Variants in AZIN2 observed in about 807,000 individuals in gnomAD.
AZIN2 encodes ODC antizyme inhibitor-2.
AZIN2 carries 28 observed loss-of-function variants against 47.8 expected under a neutral mutation model. The observed-to-expected ratio is 0.59, with a 90% confidence interval of 0.43 to 0.80. The LOEUF (loss-of-function observed/expected upper bound fraction) is 0.80, where lower values mean the gene tolerates loss of function less well. Among genes scored for constraint, AZIN2 ranks in the 30% least tolerant of loss-of-function variants. The probability of loss-of-function intolerance (pLI) is 0.00; values close to 1 mark genes in which losing one functional copy is unlikely to be tolerated. For missense variants in AZIN2, 535 were observed against 582.5 expected (o/e 0.92, Z 0.84); for synonymous variants, 221 against 239.4 (o/e 0.92, Z 0.71).
In AZIN2 at chr1:33,094,795, C is replaced by T. The variant is rs527370920; in HGVS notation, c.753+82C>T. 101 of 1,478,334 alleles carry T rather than the reference C, an allele frequency of 6.8e-5. No homozygotes were observed. In the Admixed American group the frequency reaches 1.2e-3, roughly 17 times the overall value. 91.6% of individuals were successfully genotyped at this position (1,478,334 alleles called of 1,614,324 possible). On this transcript the variant is annotated intron_variant, in intron 8 of 11. Coordinates refer to ENST00000294517, the MANE Select transcript of AZIN2 (RefSeq NM_052998.4). ...GATTAGATGATCGGAGGGAGACCAC[C>T]GTGCGTGGGTCCTATGCACTGCATG...
At chr1:33,164,955 ATT>A in the AZIN2 span, 151 of 124,804 alleles carry the variant, frequency 1.2e-3, no homozygotes, top group East Asian at 3.7e-3. Flanking sequence ...GCTATATTCA[ATT>A]TTTTTTTTTT....
At chr1:33,098,041 T>A (rs1163868783) in intron 9 of AZIN2, 26 bp from the exon 10 acceptor site, 1 of 1,570,736 alleles carries the variant, frequency 6.4e-7, no homozygotes, top group South Asian at 1.1e-5. Flanking sequence ...CTACTTGTGC[T>A]GCCTCTGAAC....
rs1052075977 is a variant in AZIN2, at chr1:33,104,259, T to C, written c.1029+6080T>C. On this transcript the variant is annotated intron_variant, in intron 10 of 11. Coordinates refer to ENST00000294517, the MANE Select transcript of AZIN2 (RefSeq NM_052998.4). ...GTTTATTGTTTTATTTATTTTGATG[T>C]CAATGTCTTTTTATATCCTCTGTTC... Among the ~76,000 whole-genome samples, 6 of 152,328 alleles carry C rather than the reference T, an allele frequency of 3.9e-5. No individual in the cohort carries two copies. In the East Asian group the frequency reaches 1.2e-3, roughly 29 times the overall value.
At chr1:33,087,835 G>C (rs1042394500) in intron 5 of AZIN2, among the ~76,000 whole-genome samples, 1 of 151,824 alleles carries the variant, frequency 6.6e-6, no homozygotes, top group Non-Finnish European at 1.5e-5. Context: ...ACACTGCTTC[G>C]ACCCCACCTC....
chr1:33,152,074 G>A, the AZIN2 span, among the ~76,000 whole-genome samples: 4 of 152,240 alleles, frequency 2.6e-5, no homozygotes, highest in African/African-American at 4.8e-5. Context: ...ACTAGCTCAT[G>A]GGAGCACCAC....
the AZIN2 span, among the ~76,000 whole-genome samples, chr1:33,135,277 G>T: frequency 6.6e-6 from 1 of 152,136 alleles, no homozygotes; most frequent in Non-Finnish European, 1.5e-5. Context: ...GACAGAGCAA[G>T]ACTCTCTCAA....
At chr1:33,159,902 C>G in the AZIN2 span, 1 of 1,609,386 alleles carries the variant, frequency 6.2e-7, no homozygotes, top group Non-Finnish European at 8.5e-7. This position sits in a 1 kb window ranked among gnomAD's most constrained non-coding sequence, Gnocchi z 4.2. Context: ...TGCAGCCGCT[C>G]GAAGGCCTCG....
the AZIN2 span, among the ~76,000 whole-genome samples, chr1:33,141,365 A>G: frequency 1.8e-3 from 268 of 151,752 alleles, no homozygotes; most frequent in African/African-American, 6.1e-3. Flanking sequence ...TCCCTCCCCT[A>G]TGTGCTGACT....
At chr1:33,090,009 A>C (rs545959601) in intron 5 of AZIN2, among the ~76,000 whole-genome samples, 1 of 152,312 alleles carries the variant, frequency 6.6e-6, no homozygotes, top group Admixed American at 6.5e-5. Flanking sequence ...GATTGGAGCT[A>C]ATACCCATCT....
chr1:33,116,781 A>C (rs1007530516), intron 10 of AZIN2, among the ~76,000 whole-genome samples: 1 of 152,238 alleles, frequency 6.6e-6, no homozygotes, highest in Admixed American at 6.5e-5. Context: ...TGAGATCTAA[A>C]GGAGAAATAG....
At position 33,123,159 on chromosome 1, in the gene AZIN2, T is replaced by C. The variant is rs568005811; in HGVS notation, c.*2977T>C. 2.6e-5 allele frequency among the ~76,000 whole-genome samples: 4 copies of C among 152,350 alleles called. No individual in the cohort carries two copies. The highest frequency in any genetic ancestry group is 1.9e-4 in the East Asian group (1 of 5,186). ...TCACTTCATTCAGGTTCTGTGCAAA[T>C]GTTTTCTTTAGGTGAAGCCTTCTGG... On this transcript the variant is annotated 3_prime_UTR_variant, in exon 12 of 12. Transcript: ENST00000294517.
the AZIN2 span, chr1:33,165,386 C>T: frequency 7.8e-7 from 1 of 1,281,908 alleles, no homozygotes; most frequent in Non-Finnish European, 1.1e-6. This position sits in a 1 kb window ranked among gnomAD's most constrained non-coding sequence, Gnocchi z 4.0. Flanking sequence ...CCCGAGGCCC[C>T]GCCCCTCTTC....
At chr1:33,107,232 C>T (rs919003427) in intron 10 of AZIN2, among the ~76,000 whole-genome samples, 7 of 150,996 alleles carry the variant, frequency 4.6e-5, no homozygotes, top group Non-Finnish European at 8.8e-5. Context: ...TGTAGTGAGC[C>T]GAGATCATGC....
intron 10 of AZIN2, chr1:33,102,019 T>C: frequency 1.6e-6 from 1 of 644,668 alleles, no homozygotes; most frequent in East Asian, 2.7e-5. Flanking sequence ...CTCTGATGAG[T>C]GAGCAAGGAG....
chr1:33,117,356 GC>G (rs1347418967), intron 10 of AZIN2, among the ~76,000 whole-genome samples: 3 of 152,146 alleles, frequency 2.0e-5, no homozygotes, highest in Admixed American at 6.5e-5. Context: ...AGACGAGGGA[GC>G]CCCAGGGCTG....
At chr1:33,112,416 T>C (rs1644328032) in intron 10 of AZIN2, among the ~76,000 whole-genome samples, 1 of 152,246 alleles carries the variant, frequency 6.6e-6, no homozygotes, top group Admixed American at 6.5e-5. Context: ...CAGTGAATTC[T>C]ATACAGTGTA....
chr1:33,083,905 G>C lies in AZIN2; in HGVS notation c.106-49G>C, dbSNP rs367644382. 6 of 1,606,802 alleles carry C rather than the reference G, an allele frequency of 3.7e-6. No homozygotes were observed. The African/African-American group carries it at 6.7e-5, about 18-fold the overall frequency. ...GGAAGGATCACGGATGGCATGCACA[G>C]GGTGCGAGCTGGATGGGGTCTCACA... On this transcript the variant is annotated intron_variant, in intron 4 of 11. Transcript: ENST00000294517.
intron 10 of AZIN2, among the ~76,000 whole-genome samples, chr1:33,108,551 C>A (rs1644132921): frequency 6.6e-6 from 1 of 152,122 alleles, no homozygotes. Flanking sequence ...CCATGTTGGC[C>A]AAGCTGGTCT....
chr1:33,097,102 T>G, intron 9 of AZIN2: 1 of 556,416 alleles, frequency 1.8e-6, no homozygotes. Flanking sequence ...AAAACAACCT[T>G]AGAGAGAATA....
Sources: allele counts gnomAD v4.1 joint callset (sites outside exome capture counted in the v4.1 genomes callset), GRCh38; gene constraint gnomAD v4.1.1; non-coding constraint Gnocchi (gnomAD v3.1); transcripts MANE v1.5; gene names NCBI Gene and HGNC (gene_info 2026-07-23, HGNC 2026-07-21).